Variants in MTCL1 observed in about 807,000 individuals in gnomAD.
The protein encoded by MTCL1 is microtubule cross-linking factor 1.
In MTCL1, 79 loss-of-function variants were observed where a neutral mutation model predicts 141.4. The ratio of observed to expected loss-of-function variants is 0.56; its 90% CI spans 0.47 to 0.67. The LOEUF is 0.67. Ranked by LOEUF, MTCL1 falls within the 30% of genes least tolerant of loss-of-function variation. The probability of loss-of-function intolerance (pLI) is 0.00; values close to 1 mark genes in which losing one functional copy is unlikely to be tolerated. For missense variants in MTCL1, 2,177 were observed against 2,113.9 expected, an observed-to-expected ratio of 1.03 and a Z score of -0.59; for synonymous variants, 914 against 875.8, an observed-to-expected ratio of 1.04 and a Z score of -0.77.
At chr18:8,767,846 A>G (rs2096466585) in intron 4 of MTCL1, among the ~76,000 whole-genome samples, 1 of 152,198 alleles carries the variant, frequency 6.6e-6, no homozygotes, top group African/African-American at 2.4e-5. Context: ...TCTATTCCCC[A>G]TTGATAAGAC....
rs574922622 is a variant in MTCL1, at chr18:8,726,949, G to T, written c.357+6453G>T. ...TTGTTTAAACCCTCACCACCATCCC[G>T]CCCATTCTCCCCGCTTAAGGACTCC... On this transcript the variant is annotated intron_variant, in intron 4 of 16. Coordinates refer to ENST00000359865, the Ensembl canonical transcript of MTCL1. 5.3e-4 allele frequency among the ~76,000 whole-genome samples: 81 copies of T among 151,946 alleles called. 1 individual carries two copies. The highest frequency in any genetic ancestry group is 1.0e-3 in the Non-Finnish European group (71 of 67,986).
At chr18:8,783,547 G>C (rs1171044496) in exon 6 of MTCL1, 1 of 1,603,046 alleles carries the variant, frequency 6.2e-7, no homozygotes, top group Non-Finnish European at 8.5e-7. Flanking sequence ...GTGCCGATTT[G>C]AGGTGCCAGC....
chr18:8,739,094 A>C (rs980887543), intron 4 of MTCL1, among the ~76,000 whole-genome samples: 2 of 152,130 alleles, frequency 1.3e-5, no homozygotes, highest in Non-Finnish European at 2.9e-5. Flanking sequence ...AAATTAAAAA[A>C]ATTAGCCAGG....
At chr18:8,732,814 A>T (rs1028746097) in intron 4 of MTCL1, among the ~76,000 whole-genome samples, 12 of 151,976 alleles carry the variant, frequency 7.9e-5, no homozygotes, top group Non-Finnish European at 1.2e-4. Context: ...CCCCTGAAAG[A>T]ATGTTGGGGG....
At chr18:8,825,372 G>A (rs1202611898) in exon 15 of MTCL1, 1 of 1,537,600 alleles carries the variant, frequency 6.5e-7, no homozygotes, top group Non-Finnish European at 8.8e-7. Flanking sequence ...GAAGGAGGTG[G>A]CCTTCTCTGT....
At chr18:8,829,758 G>A (rs1262912681) in intron 16 of MTCL1, 9 of 985,064 alleles carry the variant, frequency 9.1e-6, no homozygotes, top group South Asian at 4.7e-5. Context: ...TCCCAGAAAC[G>A]TGCTACAGGG....
intron 11 of MTCL1, chr18:8,809,700 G>T (rs370256451): frequency 1.5e-6 from 2 of 1,332,098 alleles, no homozygotes; most frequent in Non-Finnish European, 2.0e-6. Context: ...CAGGCACCTC[G>T]CACGGCTGTC....
At chr18:8,784,885 C>T (rs764696853) in intron 6 of MTCL1, 42 bp downstream of exon 5, 1 of 1,493,942 alleles carries the variant, frequency 6.7e-7, no homozygotes, top group African/African-American at 1.4e-5. Context: ...CCGCCTTGCT[C>T]TTCCTCCTTC....
intron 12 of MTCL1, among the ~76,000 whole-genome samples, chr18:8,814,533 T>C (rs1342041130): frequency 6.6e-6 from 1 of 152,256 alleles, no homozygotes; most frequent in Non-Finnish European, 1.5e-5. Flanking sequence ...TTAAATCTCC[T>C]GTGTATGTCG....
chr18:8,756,454 T>C (rs1714913601), intron 4 of MTCL1, among the ~76,000 whole-genome samples: 1 of 143,130 alleles, frequency 7.0e-6, no homozygotes, highest in Non-Finnish European at 1.5e-5. Context: ...TGTATATATG[T>C]GTATATATGT....
chr18:8,785,664 C>T (rs980014532), intron 6 of MTCL1: 1 of 458,626 alleles, frequency 2.2e-6, no homozygotes, highest in South Asian at 2.9e-5. Flanking sequence ...TGTTTTGCAC[C>T]CCCACTTTCT....
chr18:8,786,002 C>G (rs369745361), exon 7 of MTCL1: 2 of 1,606,894 alleles, frequency 1.2e-6, no homozygotes. Context: ...GGAGAGCCTG[C>G]GCCTCCGAGC....
intron 12 of MTCL1, 105 bp from the exon 12 acceptor site, chr18:8,818,858 C>G: frequency 8.8e-7 from 1 of 1,142,840 alleles, no homozygotes; most frequent in Non-Finnish European, 1.2e-6. Flanking sequence ...CAATATTTTT[C>G]AAACTGACCT....
Position 8,705,691 on chromosome 18 carries a change from G to A in MTCL1, c.31G>A (p.Gly11Ser). 8.3e-7 allele frequency: 1 copy of A among 1,201,054 alleles called. No individual in the cohort carries two copies. Among genetic ancestry groups the A allele is most frequent in the Non-Finnish European group, 1.0e-6 (1 of 967,554 alleles). The allele number at this position is 1,201,054 out of a possible 1,614,324, so 74.4% of individuals were successfully genotyped here. Residue 11 changes from glycine (G) to serine (S), a missense_variant, in exon 1 of 14, where the codon GGT becomes AGT. By Grantham distance (56) the Gly-to-Ser change is moderately conservative (BLOSUM62 0). Transcript: ENST00000306329. This position sits in a 1 kb window ranked among gnomAD's most constrained non-coding sequence, Gnocchi z 5.2. ...GACACTGAACGGCCCCGCGGGCGGA[G>A]GTGCCCCGGACGCGAAGCTGCAGCC...
At chr18:8,776,416 G>T (rs1332324104) in intron 4 of MTCL1, among the ~76,000 whole-genome samples, 1 of 152,086 alleles carries the variant, frequency 6.6e-6, no homozygotes, top group Non-Finnish European at 1.5e-5. Context: ...TCTCCCAGTT[G>T]GTCTGTTGCA....
rs2077113399 is a variant in MTCL1, at chr18:8,828,996, C to T, written c.*18+32C>T. The T allele has an allele frequency of 6.2e-7, 1 of 1,614,084 alleles. No homozygotes were observed. The highest frequency in any genetic ancestry group is 8.5e-7 in the Non-Finnish European group (1 of 1,179,994). On this transcript the variant is annotated intron_variant, in intron 16 of 16. Transcript: ENST00000359865. This position sits in a 1 kb window ranked among gnomAD's most constrained non-coding sequence, Gnocchi z 5.2. The stretch of plus-strand genomic sequence containing the variant: ...GCTTCCTTCCTTGTTTCCCAACTGT[C>T]TGGAGAGGTCGTGTTGTGTAACTCG...
chr18:8,771,377 T>C (rs1343289143), intron 4 of MTCL1, among the ~76,000 whole-genome samples: 1 of 152,194 alleles, frequency 6.6e-6, no homozygotes, highest in Non-Finnish European at 1.5e-5. Context: ...GTTTTATACC[T>C]GTGTGTCTTA....
At chr18:8,758,400 C>T (rs542506043) in intron 4 of MTCL1, among the ~76,000 whole-genome samples, 2 of 152,280 alleles carry the variant, frequency 1.3e-5, no homozygotes, top group South Asian at 2.1e-4. Flanking sequence ...AGTCATGGCT[C>T]ACTCCTTGTT....
At chr18:8,825,267 G>A in exon 15 of MTCL1, 2 of 1,575,012 alleles carry the variant, frequency 1.3e-6, no homozygotes, top group African/African-American at 1.4e-5. Flanking sequence ...TGTGGAGGGG[G>A]CACGGCGCCC....
Sources: gnomAD v4.1 joint callset for allele counts (sites outside exome capture counted in the v4.1 genomes callset) on GRCh38, gnomAD v4.1.1 for gene constraint, Gnocchi (gnomAD v3.1) non-coding constraint, MANE v1.5 for transcripts, NCBI Gene and HGNC (gene_info 2026-07-23, HGNC 2026-07-21) for gene names.